VPS35L: variants seen among roughly 807,000 people sequenced by gnomAD.
VPS35L encodes the protein VPS35 endosomal protein-sorting factor-like.
VPS35L carries 83 observed loss-of-function variants against 133.0 expected under a neutral mutation model. The ratio of observed to expected loss-of-function variants is 0.62; its 90% confidence interval spans 0.52 to 0.75. VPS35L has a LOEUF of 0.75. VPS35L is among the 30% of genes least tolerant of loss of function. The pLI is 0.00. For missense variants in VPS35L, 1,083 were observed against 1,206.8 expected, an observed-to-expected ratio of 0.90 and a Z score of 1.52; for synonymous variants, 423 against 449.9, an observed-to-expected ratio of 0.94 and a Z score of 0.76.
intron 8 of VPS35L, among the ~76,000 whole-genome samples, chr16:19,593,026 C>G (rs1382438837): frequency 6.6e-6 from 1 of 152,164 alleles, no homozygotes; most frequent in Non-Finnish European, 1.5e-5. Context: ...TCCTCTCCCA[C>G]CTGGATAGCT....
At chr16:19,615,234 G>A (rs1022930629) in intron 12 of VPS35L, among the ~76,000 whole-genome samples, 3 of 152,096 alleles carry the variant, frequency 2.0e-5, no homozygotes, top group Admixed American at 6.5e-5. Context: ...TCTCTTGGTC[G>A]TCTGTTCAGA....
chr16:19,632,263 G>A (rs963597954), intron 18 of VPS35L, among the ~76,000 whole-genome samples: 6 of 152,082 alleles, frequency 3.9e-5, no homozygotes, highest in Admixed American at 1.3e-4. Flanking sequence ...GCACCCAGCC[G>A]AGTTACTAAT....
Position 19,607,294 on chromosome 16 carries a change from C to T in VPS35L, c.785-884C>T, listed in dbSNP as rs59957857. Among the ~76,000 whole-genome samples, 424 of 152,296 alleles carry T rather than the reference C, an allele frequency of 2.8e-3. 14 individuals carry two copies. The East Asian group carries it at 0.071, about 26-fold the overall frequency. On this transcript the variant is annotated intron_variant, in intron 9 of 30. Coordinates refer to ENST00000417362, the MANE Select transcript of VPS35L (RefSeq NM_020314.7). ...GGATCCTCACTTCTGTCTTGTTGCT[C>T]TCATGGTCAGTATGGCTGCAGAGGT...
At position 19,693,925 on chromosome 16, in the gene VPS35L, G is replaced by C. The variant is rs1032442023; in HGVS notation, c.2646+2454G>C. The C allele has an allele frequency of 8.5e-5, 12 of 141,492 alleles. No homozygotes were observed. The East Asian group carries it at 2.2e-3, about 26-fold the overall frequency. 8.8% of individuals were successfully genotyped at this position (141,492 alleles called of 1,614,324 possible). On this transcript the variant is annotated intron_variant, in intron 29 of 30. Coordinates refer to ENST00000417362, the MANE Select transcript of VPS35L (RefSeq NM_020314.7). Reference sequence around the variant, plus strand: ...GATCATGCCACTGCACTCCAGCCTAGGCAACAGAGCAAGACCCTGTCTCCA... The same window carrying C: ...GATCATGCCACTGCACTCCAGCCTACGCAACAGAGCAAGACCCTGTCTCCA...
intron 15 of VPS35L, among the ~76,000 whole-genome samples, chr16:19,626,645 G>T (rs1006100165): frequency 6.6e-6 from 1 of 151,928 alleles, no homozygotes; most frequent in South Asian, 2.1e-4. Flanking sequence ...GCCTGTAGTC[G>T]CAGCTACTCA....
At chr16:19,695,818 A>AAAAT (rs144891120) in intron 29 of VPS35L, among the ~76,000 whole-genome samples, 31,004 of 151,486 alleles carry the variant, frequency 0.2, 3,553 homozygotes, top group African/African-American at 0.29. Flanking sequence ...CCCTGTCTCT[A>AAAAT]AAATAAATAA....
intron 4 of VPS35L, among the ~76,000 whole-genome samples, chr16:19,574,404 G>A (rs117106264): frequency 0.019 from 2,936 of 152,230 alleles, 41 homozygotes; most frequent in Non-Finnish European, 0.03. Flanking sequence ...CATGGGCCAC[G>A]CATAGATGCA....
Position 19,610,644 on chromosome 16 carries a change from A to G in VPS35L, c.1023+229A>G, listed in dbSNP as rs545357730. ...TGTAGCTCTAATTAGGGGACGTTTA[A>G]GGTCATCTTCTTACAAATGAACTGG... On this transcript the variant is annotated intron_variant, in intron 12 of 30. Coordinates refer to ENST00000417362, the MANE Select transcript of VPS35L (RefSeq NM_020314.7). 1.1e-5 allele frequency: 4 copies of G among 369,970 alleles called. No homozygotes were observed. In the East Asian group the frequency reaches 1.7e-4, roughly 15 times the overall value. 22.9% of individuals were successfully genotyped at this position (369,970 alleles called of 1,614,324 possible).
chr16:19,640,183 T>A lies in VPS35L; in HGVS notation c.1784+83T>A, dbSNP rs539244505. ...TGATAAAAAATCAGTTCTTGCACTTTGAGGCCGAGTGATGTGTACGTATTT... is the reference window on the plus strand; with the variant it reads ...TGATAAAAAATCAGTTCTTGCACTTAGAGGCCGAGTGATGTGTACGTATTT... On this transcript the variant is annotated intron_variant, in intron 21 of 30. Coordinates refer to ENST00000417362, the MANE Select transcript of VPS35L (RefSeq NM_020314.7). 1.1e-4 allele frequency: 139 copies of A among 1,235,002 alleles called. 1 individual carries two copies. The South Asian group carries it at 1.6e-3, about 14-fold the overall frequency. 76.5% of individuals were successfully genotyped at this position (1,235,002 alleles called of 1,614,324 possible). A position where few individuals can be genotyped will look rare whatever the true frequency, so the allele number is the denominator to read the frequency against.
At chr16:19,670,796 C>T (rs1384174567) in intron 27 of VPS35L, among the ~76,000 whole-genome samples, 1 of 152,120 alleles carries the variant, frequency 6.6e-6, no homozygotes, top group East Asian at 1.9e-4. Context: ...GGGGGTCTGG[C>T]AGAGTGACAT....
At chr16:19,670,258 A>G (rs1302440999) in intron 27 of VPS35L, among the ~76,000 whole-genome samples, 3 of 152,226 alleles carry the variant, frequency 2.0e-5, no homozygotes, top group Non-Finnish European at 4.4e-5. Context: ...GTCTCCGTGT[A>G]TGAATTTGCA....
chr16:19,643,374 C>G (rs1247328080), intron 22 of VPS35L, among the ~76,000 whole-genome samples: 1 of 152,070 alleles, frequency 6.6e-6, no homozygotes, highest in Non-Finnish European at 1.5e-5. Flanking sequence ...GTAGACAGAC[C>G]AGAAGGTAGG....
chr16:19,652,205 C>G, intron 26 of VPS35L, 115 bp downstream of exon 26: 7 of 761,422 alleles, frequency 9.2e-6, no homozygotes, highest in Non-Finnish European at 1.3e-5. Context: ...GAGACAGAGT[C>G]TCACTCTGTC....
intron 24 of VPS35L, among the ~76,000 whole-genome samples, chr16:19,649,749 G>A (rs1974067761): frequency 6.6e-6 from 1 of 152,168 alleles, no homozygotes; most frequent in East Asian, 1.9e-4. Context: ...TCTATTCAAG[G>A]AGAATAACTT....
intron 7 of VPS35L, among the ~76,000 whole-genome samples, chr16:19,587,797 C>CTT (rs775544331): frequency 3.6e-4 from 43 of 118,932 alleles, no homozygotes; most frequent in South Asian, 5.1e-4. Flanking sequence ...TCCACATTGT[C>CTT]TTTTTTTTTT....
intron 14 of VPS35L, among the ~76,000 whole-genome samples, chr16:19,625,128 T>C (rs1034774133): frequency 7.9e-5 from 12 of 151,896 alleles, no homozygotes; most frequent in African/African-American, 2.9e-4. Flanking sequence ...GACTTCAAAC[T>C]GTGTTGGAGA....
chr16:19,636,736 G>C (rs1385461064), intron 19 of VPS35L, among the ~76,000 whole-genome samples: 1 of 152,184 alleles, frequency 6.6e-6, no homozygotes, highest in Admixed American at 6.5e-5. Flanking sequence ...ACATTTTCTT[G>C]ATAGCAACCA....
At chr16:19,690,536 G>C (rs1239066830) in intron 28 of VPS35L, among the ~76,000 whole-genome samples, 1 of 152,224 alleles carries the variant, frequency 6.6e-6, no homozygotes, top group East Asian at 1.9e-4. Flanking sequence ...TTTGAGGAGA[G>C]GGTGACAGGG....
At chr16:19,653,446 G>A (rs2151589487) in intron 26 of VPS35L, among the ~76,000 whole-genome samples, 1 of 152,326 alleles carries the variant, frequency 6.6e-6, no homozygotes, top group Admixed American at 6.5e-5. Context: ...TGTGGCTGGT[G>A]CCTTATTACC....
Sources: gnomAD v4.1 joint callset for allele counts (sites outside exome capture counted in the v4.1 genomes callset) on GRCh38, gnomAD v4.1.1 for gene constraint, MANE v1.5 for transcripts, NCBI Gene and HGNC (gene_info 2026-07-23, HGNC 2026-07-21) for gene names.